The following ANO6 variants were observed in gnomAD, a reference collection of about 807,000 sequenced individuals.
The protein encoded by ANO6 is anoctamin-6.
In ANO6, 106 loss-of-function variants were observed where a neutral mutation model predicts 117.5. The observed-to-expected ratio is 0.90, with a 90% CI of 0.77 to 1.06. The LOEUF (loss-of-function observed/expected upper bound fraction) is 1.06. Among genes scored for constraint, ANO6 ranks in the 50% least tolerant of loss-of-function variants. The pLI is 0.00. For missense variants in ANO6, 955 were observed against 1,121.1 expected (o/e 0.85, Z 2.12); for synonymous variants, 367 against 385.1 (o/e 0.95, Z 0.55).
chr12:45,255,260 C>T (rs1015704798), intron 1 of ANO6, among the ~76,000 whole-genome samples: 15 of 152,310 alleles, frequency 9.8e-5, no homozygotes, highest in African/African-American at 3.4e-4. Flanking sequence ...AGCGCATGCT[C>T]CCTCTGCCTT....
intron 1 of ANO6, among the ~76,000 whole-genome samples, chr12:45,262,142 A>AC (rs1227008335): frequency 6.6e-6 from 1 of 152,034 alleles, no homozygotes; most frequent in African/African-American, 2.4e-5. Context: ...AACAAAAATC[A>AC]CCCCAACACT....
In ANO6 at chr12:45,432,326, T is replaced by C. The variant is rs987510344; in HGVS notation, c.*3015T>C. On this transcript the variant is annotated 3_prime_UTR_variant, in exon 20 of 20. Coordinates refer to ENST00000320560, the MANE Select transcript of ANO6 (RefSeq NM_001025356.3). ...TATTCTTTTATAATTATGAGCATTT[T>C]AATAAATTCATTTTTACAAACAATA... 1.1e-6 allele frequency: 1 copy of C among 873,554 alleles called. No homozygotes were observed. Among genetic ancestry groups the C allele is most frequent in the Non-Finnish European group, 1.4e-6 (1 of 729,312 alleles). 54.1% of individuals were successfully genotyped at this position (873,554 alleles called of 1,614,324 possible). A position where few individuals can be genotyped will look rare whatever the true frequency, so the allele number is the denominator to read the frequency against.
intron 3 of ANO6, among the ~76,000 whole-genome samples, chr12:45,331,778 C>T (rs998846729): frequency 2.0e-5 from 3 of 152,066 alleles, no homozygotes; most frequent in Non-Finnish European, 4.4e-5. Context: ...TAACAACTAG[C>T]TTTCAATGTG....
intron 1 of ANO6, among the ~76,000 whole-genome samples, chr12:45,247,770 G>T (rs1177896950): frequency 2.0e-5 from 3 of 152,112 alleles, no homozygotes; most frequent in African/African-American, 7.2e-5. Context: ...TCTTATGAGG[G>T]AACTAATCCC....
chr12:45,269,876 C>G (rs1251397597), intron 1 of ANO6, among the ~76,000 whole-genome samples: 2 of 152,108 alleles, frequency 1.3e-5, no homozygotes, highest in African/African-American at 2.4e-5. Context: ...CCTTCATTGA[C>G]CATAATAGGG....
rs375384540 is a variant in ANO6, at chr12:45,421,108, G to A, written c.2255G>A (p.Arg752His). 24 of 1,613,952 alleles carry A rather than the reference G, an allele frequency of 1.5e-5. No homozygotes were observed. Among genetic ancestry groups the A allele is most frequent in the South Asian group, 2.2e-5 (2 of 91,074 alleles). ...IIAFTSDMIP[R>H]LVYYWSFSVP... ...GCTTTCACGTCGGACATGATCCCCC[G>A]CCTAGTGTACTACTGGTCCTTCTCC... The change falls in exon 18 of 20, where the codon CGC (arginine) becomes CAC (histidine). Residue 752 changes from arginine to histidine, a missense_variant. Coordinates refer to ENST00000320560, the MANE Select transcript of ANO6 (RefSeq NM_001025356.3).
intron 1 of ANO6, among the ~76,000 whole-genome samples, chr12:45,266,040 C>G (rs7304481): frequency 0.79 from 120,857 of 152,134 alleles, 50,842 homozygotes; most frequent in Non-Finnish European, 0.94. Context: ...GGCTTAGACC[C>G]TATATCCTTG....
chr12:45,331,188 G>A (rs1940649594), intron 2 of ANO6, 107 bp from the exon 3 acceptor site: 2 of 974,466 alleles, frequency 2.1e-6, no homozygotes, highest in Non-Finnish European at 3.1e-6. Context: ...AGTAGTGGAT[G>A]TATTTCTCTT....
intron 9 of ANO6, among the ~76,000 whole-genome samples, chr12:45,375,373 C>T (rs1313254133): frequency 4.6e-5 from 7 of 152,130 alleles, no homozygotes; most frequent in Non-Finnish European, 1.5e-5. Flanking sequence ...TCATATGGAA[C>T]CAAAAAAGAG....
chr12:45,281,991 G>A (rs1400959669), intron 1 of ANO6, among the ~76,000 whole-genome samples: 1 of 152,140 alleles, frequency 6.6e-6, no homozygotes, highest in East Asian at 1.9e-4. Flanking sequence ...GATGAAGAGA[G>A]GAAGACAGTC....
chr12:45,372,081 T>C (rs1024499816), intron 9 of ANO6, among the ~76,000 whole-genome samples: 3 of 142,698 alleles, frequency 2.1e-5, no homozygotes, highest in Non-Finnish European at 4.4e-5. Context: ...CCTCAGGAGC[T>C]GATGCGATCA....
At chr12:45,439,276 C>T (rs1027892144) in intron 19 of ANO6, among the ~76,000 whole-genome samples, 4 of 152,176 alleles carry the variant, frequency 2.6e-5, no homozygotes, top group African/African-American at 7.2e-5. Flanking sequence ...AATCACAGGT[C>T]ACACAGAGGC....
chr12:45,360,341 T>A (rs187531409), intron 8 of ANO6, among the ~76,000 whole-genome samples: 79 of 152,306 alleles, frequency 5.2e-4, no homozygotes, highest in Non-Finnish European at 8.4e-4. Context: ...TGCTGCATCT[T>A]CACATAGCAG....
At chr12:45,370,729 A>C (rs1413714574) in intron 9 of ANO6, among the ~76,000 whole-genome samples, 2 of 152,226 alleles carry the variant, frequency 1.3e-5, no homozygotes, top group Non-Finnish European at 2.9e-5. Context: ...CAAAGGTAAA[A>C]GATTTGAAAT....
intron 15 of ANO6, among the ~76,000 whole-genome samples, chr12:45,408,943 T>G (rs1406151696): frequency 6.6e-6 from 1 of 152,192 alleles, no homozygotes; most frequent in African/African-American, 2.4e-5. Flanking sequence ...AAGCACTCCC[T>G]GCCCTGCTTA....
intron 1 of ANO6, among the ~76,000 whole-genome samples, chr12:45,250,429 G>T (rs1395866071): frequency 6.6e-6 from 1 of 152,136 alleles, no homozygotes; most frequent in Non-Finnish European, 1.5e-5. Context: ...GTCTAGCTCT[G>T]TCACCCAGGC....
intron 1 of ANO6, among the ~76,000 whole-genome samples, chr12:45,300,808 A>G (rs1428350862): frequency 1.3e-5 from 2 of 152,254 alleles, no homozygotes; most frequent in African/African-American, 4.8e-5. Flanking sequence ...AATTTTTGCA[A>G]GTTAAAAATA....
chr12:45,348,885 A>C lies in ANO6; in HGVS notation c.747+254A>C, dbSNP rs369224724. Among the ~76,000 whole-genome samples, 9 of 152,332 alleles carry C rather than the reference A, an allele frequency of 5.9e-5. No individual in the cohort carries two copies. The East Asian group carries it at 1.2e-3, about 20-fold the overall frequency. On this transcript the variant is annotated intron_variant, in intron 6 of 19. Coordinates refer to ENST00000320560, the MANE Select transcript of ANO6 (RefSeq NM_001025356.3). The stretch of plus-strand genomic sequence containing the variant: ...CTCTCTCACAGTTAATGTGTAAAGC[A>C]GTATAGATTAGCAGTTAATCTGTGT...
intron 2 of ANO6, among the ~76,000 whole-genome samples, chr12:45,303,511 G>A (rs1466067537): frequency 6.6e-6 from 1 of 152,168 alleles, no homozygotes; most frequent in Non-Finnish European, 1.5e-5. Context: ...AGGTGTTGGT[G>A]CGCCTGGTAA....
Sources: allele counts gnomAD v4.1 joint callset (sites outside exome capture counted in the v4.1 genomes callset), GRCh38; gene constraint gnomAD v4.1.1; transcripts MANE v1.5; gene names NCBI Gene and HGNC (gene_info 2026-07-23, HGNC 2026-07-21).